The following LRBA variants were observed in gnomAD, a reference collection of about 807,000 sequenced individuals.
The protein encoded by LRBA is LPS responsive beige-like anchor protein.
LRBA carries 176 observed loss-of-function variants against 330.0 expected under a neutral mutation model. The observed-to-expected ratio is 0.53, with a 90% CI of 0.47 to 0.60. LRBA has a LOEUF of 0.60. LRBA is among the 20% of genes least tolerant of loss of function. The pLI is 0.00. For missense variants in LRBA, 3,259 were observed against 3,444.8 expected (o/e 0.95, Z 1.35); for synonymous variants, 1,230 against 1,193.0 (o/e 1.03, Z -0.64).
At chr4:150,463,177 T>A (rs187624103) in intron 44 of LRBA, among the ~76,000 whole-genome samples, 121 of 152,060 alleles carry the variant, frequency 8.0e-4, no homozygotes, top group African/African-American at 2.9e-3. Context: ...AGAATTCCAT[T>A]CTCATGAACC....
chr4:150,525,879 A>G (rs1350955820), intron 40 of LRBA, among the ~76,000 whole-genome samples: 6 of 152,094 alleles, frequency 3.9e-5, no homozygotes, highest in Non-Finnish European at 7.4e-5. Context: ...ATTCCTCTCA[A>G]ATTTCTAATC....
intron 35 of LRBA, among the ~76,000 whole-genome samples, chr4:150,749,349 C>A (rs1216015520): frequency 6.6e-6 from 1 of 152,010 alleles, no homozygotes; most frequent in African/African-American, 2.4e-5. Flanking sequence ...GCAGGAGGAT[C>A]GCTTGAGCTC....
At chr4:150,501,366 C>A (rs1378022585) in intron 40 of LRBA, among the ~76,000 whole-genome samples, 1 of 152,142 alleles carries the variant, frequency 6.6e-6, no homozygotes, top group African/African-American at 2.4e-5. Context: ...AATACCAGCA[C>A]TTTGGTAGGC....
At chr4:150,579,852 C>G in intron 40 of LRBA, 1 of 382,696 alleles carries the variant, frequency 2.6e-6, no homozygotes, top group South Asian at 1.9e-5. Flanking sequence ...GGGCCATTCG[C>G]GAACCAGACG....
At chr4:150,513,497 G>A (rs1157676222) in intron 40 of LRBA, among the ~76,000 whole-genome samples, 2 of 152,082 alleles carry the variant, frequency 1.3e-5, no homozygotes, top group African/African-American at 2.4e-5. Context: ...GGTCCTCATT[G>A]GGAACACAGC....
At chr4:150,798,191 G>A in intron 33 of LRBA, 49 bp from the exon 34 acceptor site, 2 of 1,188,580 alleles carry the variant, frequency 1.7e-6, no homozygotes, top group East Asian at 2.3e-5. Flanking sequence ...AAACAAATGA[G>A]GATTTGTTAC....
intron 42 of LRBA, among the ~76,000 whole-genome samples, chr4:150,474,426 T>C: frequency 6.6e-6 from 1 of 152,178 alleles, no homozygotes; most frequent in East Asian, 1.9e-4. Context: ...GGCTCTACAA[T>C]AAGTTTTGAA....
intron 56 of LRBA, among the ~76,000 whole-genome samples, chr4:150,273,102 C>G (rs1746339474): frequency 6.6e-6 from 1 of 152,216 alleles, no homozygotes. Context: ...ATCAGACTAA[C>G]AGCGGATCTC....
intron 40 of LRBA, among the ~76,000 whole-genome samples, chr4:150,573,099 T>C (rs1052691962): frequency 2.0e-5 from 3 of 152,096 alleles, no homozygotes; most frequent in African/African-American, 4.8e-5. Context: ...AACCTGACCT[T>C]TTAAGTTTAG....
chr4:150,955,943 G>A (rs556313953), intron 2 of LRBA, among the ~76,000 whole-genome samples: 7 of 148,616 alleles, frequency 4.7e-5, no homozygotes, highest in South Asian at 2.1e-4. Context: ...CAAAAGAAGC[G>A]CATAGTAAAC....
chr4:150,711,518 G>A (rs1401769935), intron 36 of LRBA, among the ~76,000 whole-genome samples: 1 of 152,076 alleles, frequency 6.6e-6, no homozygotes, highest in Non-Finnish European at 1.5e-5. Context: ...GATTACAGGT[G>A]TGAGCCACCA....
intron 43 of LRBA, among the ~76,000 whole-genome samples, chr4:150,469,978 T>C (rs1329533880): frequency 6.6e-6 from 1 of 151,158 alleles, no homozygotes; most frequent in African/African-American, 2.4e-5. Context: ...AGGTCAGGAG[T>C]TCAAGACCAG....
In LRBA at chr4:150,363,493, A is replaced by G. The variant is rs566648033; in HGVS notation, c.7195-13334T>C. On this transcript the variant is annotated intron_variant, in intron 47 of 56. Transcript: ENST00000651943. The stretch of plus-strand genomic sequence containing the variant: ...TATATTTATTATATTACATGTTATC[A>G]CAAGTTATATATTTGTTTACTTTTT... Among the ~76,000 whole-genome samples, 7 of 152,320 alleles carry G rather than the reference A, an allele frequency of 4.6e-5. No homozygotes were observed. In the South Asian group the frequency reaches 1.2e-3, roughly 27 times the overall value.
intron 35 of LRBA, among the ~76,000 whole-genome samples, chr4:150,752,137 T>C (rs1017497858): frequency 6.6e-6 from 1 of 152,202 alleles, no homozygotes; most frequent in African/African-American, 2.4e-5. Context: ...ATAAATTGCT[T>C]CCAAAGATTT....
intron 4 of LRBA, among the ~76,000 whole-genome samples, chr4:150,924,423 G>A (rs1579219104): frequency 6.6e-6 from 1 of 152,046 alleles, no homozygotes; most frequent in South Asian, 2.1e-4. Context: ...TGAGGTGGGA[G>A]GATTGCTTGA....
intron 48 of LRBA, among the ~76,000 whole-genome samples, chr4:150,329,946 T>C (rs1333869475): frequency 6.6e-6 from 1 of 152,210 alleles, no homozygotes; most frequent in Non-Finnish European, 1.5e-5. Flanking sequence ...TCGATTATTA[T>C]AACAGTCTCT....
intron 35 of LRBA, among the ~76,000 whole-genome samples, chr4:150,752,637 G>A (rs991551552): frequency 5.9e-5 from 9 of 151,880 alleles, no homozygotes; most frequent in African/African-American, 2.2e-4. Context: ...GACTTTAAAT[G>A]GAGATAGCAA....
chr4:150,544,428 C>T (rs1765642259), intron 40 of LRBA, among the ~76,000 whole-genome samples: 1 of 152,144 alleles, frequency 6.6e-6, no homozygotes, highest in Admixed American at 6.6e-5. Flanking sequence ...AACAAACTAT[C>T]TCTTTAAACT....
At position 150,376,601 on chromosome 4, in the gene LRBA, C is replaced by T. The variant is rs140868312; in HGVS notation, c.7195-26442G>A. On this transcript the variant is annotated intron_variant, in intron 47 of 56. Coordinates refer to ENST00000651943, the MANE Select transcript of LRBA (RefSeq NM_001364905.1). ...CTTTTCTCCAATATCCTTTTTCTAT[C>T]GGAGGACCCAACCCAGAATCCCACA... Among the ~76,000 whole-genome samples the T allele has an allele frequency of 9.2e-5, 14 of 152,148 alleles. No homozygotes were observed. In the East Asian group the frequency reaches 2.5e-3, roughly 27 times the overall value.
Sources: gnomAD v4.1 joint callset for allele counts (sites outside exome capture counted in the v4.1 genomes callset) on GRCh38, gnomAD v4.1.1 for gene constraint, MANE v1.5 for transcripts, NCBI Gene and HGNC (gene_info 2026-07-23, HGNC 2026-07-21) for gene names.